Variants in MARCHF1 observed in about 807,000 individuals in gnomAD.
The protein encoded by MARCHF1 is membrane associated ring-CH-type finger 1.
MARCHF1 carries 40 observed loss-of-function variants against 54.2 expected under a neutral mutation model. That is an observed-to-expected ratio of 0.74 (90% CI 0.57 to 0.96). MARCHF1 has a LOEUF of 0.96. Among genes scored for constraint, MARCHF1 ranks in the 40% least tolerant of loss-of-function variants. MARCHF1 has a pLI of 0.00. For synonymous variants in MARCHF1, 236 were observed against 236.3 expected (o/e 1.00, Z 0.01); for missense variants, 586 against 656.5 (o/e 0.89, Z 1.17).
At chr4:164,085,779 G>T (rs1755181184) in intron 2 of MARCHF1, among the ~76,000 whole-genome samples, 1 of 151,808 alleles carries the variant, frequency 6.6e-6, no homozygotes, top group Admixed American at 6.6e-5. Context: ...CAACAATTGT[G>T]TAGCGGAATT....
chr4:164,220,001 T>G (rs1418187567), intron 1 of MARCHF1, among the ~76,000 whole-genome samples: 1 of 151,872 alleles, frequency 6.6e-6, no homozygotes, highest in Non-Finnish European at 1.5e-5. Flanking sequence ...TATTGCCTTG[T>G]AAGACAATAG....
At chr4:164,012,651 C>T (rs1753447874) in intron 2 of MARCHF1, among the ~76,000 whole-genome samples, 1 of 152,066 alleles carries the variant, frequency 6.6e-6, no homozygotes, top group Admixed American at 6.5e-5. Flanking sequence ...ATGAGAGTGT[C>T]CACATCACCC....
chr4:163,854,705 A>AAATATAC (rs1488523663), intron 3 of MARCHF1, among the ~76,000 whole-genome samples: 1 of 152,186 alleles, frequency 6.6e-6, no homozygotes, highest in Non-Finnish European at 1.5e-5. Context: ...AAGTATAATA[A>AAATATAC]ATTAAGTATA....
intron 1 of MARCHF1, among the ~76,000 whole-genome samples, chr4:164,289,706 A>G (rs1404711047): frequency 6.6e-6 from 1 of 151,882 alleles, no homozygotes; most frequent in African/African-American, 2.4e-5. Context: ...CTCACAGGCT[A>G]TGAGTATACA....
At chr4:164,313,278 G>T (rs1734913222) in intron 1 of MARCHF1, among the ~76,000 whole-genome samples, 1 of 149,340 alleles carries the variant, frequency 6.7e-6, no homozygotes, top group Non-Finnish European at 1.5e-5. Context: ...GAACCTGGGA[G>T]GCAGAGCATC....
intron 1 of MARCHF1, among the ~76,000 whole-genome samples, chr4:164,172,959 C>T (rs999689491): frequency 6.7e-5 from 9 of 135,310 alleles, no homozygotes; most frequent in Non-Finnish European, 1.4e-4. Context: ...CCAGCCTGGG[C>T]TACAGAGCGA....
At position 163,840,631 on chromosome 4, in the gene MARCHF1, G is replaced by A. The variant is rs957236609; in HGVS notation, c.111+13390C>T. On this transcript the variant is annotated intron_variant, in intron 4 of 9. Transcript: ENST00000514618. Reference sequence around the variant, plus strand: ...AAGCAGAGTAGAATGGTGGTTCCCAGGGGCTGGAAGGTGGCGGAAAAGGAG... The same window carrying A: ...AAGCAGAGTAGAATGGTGGTTCCCAAGGGCTGGAAGGTGGCGGAAAAGGAG... Among the ~76,000 whole-genome samples, 8 of 152,082 alleles carry A rather than the reference G, an allele frequency of 5.3e-5. 1 individual carries two copies. The South Asian group carries it at 1.7e-3, about 31-fold the overall frequency.
intron 3 of MARCHF1, among the ~76,000 whole-genome samples, chr4:163,902,151 T>C (rs1309253237): frequency 6.6e-6 from 1 of 152,140 alleles, no homozygotes; most frequent in Non-Finnish European, 1.5e-5. Context: ...TATTCTACAA[T>C]AAGACATTAG....
At chr4:164,229,392 G>T (rs1370933905) in intron 1 of MARCHF1, among the ~76,000 whole-genome samples, 1 of 152,162 alleles carries the variant, frequency 6.6e-6, no homozygotes, top group Non-Finnish European at 1.5e-5. Flanking sequence ...AAAGGCCTGA[G>T]AGACCAGGGC....
In MARCHF1 at chr4:163,733,199, A is replaced by ATATATATATACATACACATG. The variant is rs1745908359; in HGVS notation, c.112-32337_112-32336insCATGTGTATGTATATATATA. Among the ~76,000 whole-genome samples, 5 of 39,882 alleles carry ATATATATATACATACACATG rather than the reference A, an allele frequency of 1.3e-4. 1 individual carries two copies. Among genetic ancestry groups the ATATATATATACATACACATG allele is most frequent in the African/African-American group, 2.3e-4 (3 of 12,860 alleles). The allele number at this position is 39,882 out of a possible 152,430, so 26.2% of individuals were successfully genotyped here. A position where few individuals can be genotyped will look rare whatever the true frequency, so the allele number is the denominator to read the frequency against. ...TGTGTATATATATATATATATATAT[A>ATATATATATACATACACATG]TATATATATATATATATATATACAC... On this transcript the variant is annotated intron_variant, in intron 4 of 9. Coordinates refer to ENST00000514618, the MANE Select transcript of MARCHF1 (RefSeq NM_001394959.1).
chr4:163,585,587 C>G, intron 8 of MARCHF1, 162 bp downstream of exon 8: 1 of 465,308 alleles, frequency 2.1e-6, no homozygotes, highest in East Asian at 3.2e-5. Flanking sequence ...GGATTATCTG[C>G]AAACACTTAG....
intron 3 of MARCHF1, among the ~76,000 whole-genome samples, chr4:163,944,743 G>T (rs11100532): frequency 0.16 from 23,810 of 152,112 alleles, 2,336 homozygotes; most frequent in South Asian, 0.29. Flanking sequence ...TTAATTACAG[G>T]CAGGCATTTC....
At chr4:163,936,039 G>A (rs1398716124) in intron 3 of MARCHF1, among the ~76,000 whole-genome samples, 1 of 151,970 alleles carries the variant, frequency 6.6e-6, no homozygotes, top group Non-Finnish European at 1.5e-5. Context: ...GTAATTAGTT[G>A]GCCTAATTTT....
At chr4:163,550,612 G>C (rs1329540988) in intron 8 of MARCHF1, among the ~76,000 whole-genome samples, 1 of 150,648 alleles carries the variant, frequency 6.6e-6, no homozygotes, top group Admixed American at 6.6e-5. Context: ...CATTTTAATT[G>C]TTTACTGGCT....
chr4:164,241,485 C>A (rs1487827544), intron 1 of MARCHF1, among the ~76,000 whole-genome samples: 1 of 152,078 alleles, frequency 6.6e-6, no homozygotes, highest in Non-Finnish European at 1.5e-5. Context: ...CTTCCCTTCC[C>A]AGTATACAAT....
chr4:164,349,818 G>T (rs546991405), intron 1 of MARCHF1, among the ~76,000 whole-genome samples: 1 of 152,260 alleles, frequency 6.6e-6, no homozygotes, highest in East Asian at 1.9e-4. Flanking sequence ...TGTAATGATG[G>T]TATTTAAACT....
At position 163,693,297 on chromosome 4, in the gene MARCHF1, C is replaced by CTGGAGAGTA. The variant is rs1258650884; in HGVS notation, c.162+7515_162+7516insTACTCTCCA. Reference sequence around the variant, plus strand: ...AGTGCATTTCTTCCAGAGTTAAGACCAAATTTTGCATTTTACTTTACTATC... The same window carrying CTGGAGAGTA: ...AGTGCATTTCTTCCAGAGTTAAGACCTGGAGAGTAAAATTTTGCATTTTACTTTACTATC... On this transcript the variant is annotated intron_variant, in intron 5 of 9. Transcript: ENST00000514618. Among the ~76,000 whole-genome samples, 3 of 151,302 alleles carry CTGGAGAGTA rather than the reference C, an allele frequency of 2.0e-5. 1 individual carries two copies. Among genetic ancestry groups the CTGGAGAGTA allele is most frequent in the African/African-American group, 7.3e-5 (3 of 41,040 alleles).
chr4:163,845,372 A>G (rs1156303089), intron 4 of MARCHF1, among the ~76,000 whole-genome samples: 4 of 151,982 alleles, frequency 2.6e-5, no homozygotes, highest in Admixed American at 1.3e-4. Flanking sequence ...TTTACAAAAC[A>G]TAAAAACATT....
chr4:163,725,478 CAA>C (rs60252263), intron 4 of MARCHF1, among the ~76,000 whole-genome samples: 16 of 120,528 alleles, frequency 1.3e-4, no homozygotes, highest in African/African-American at 3.0e-4. Flanking sequence ...ACACTATCTC[CAA>C]AAAAAAAAAA....
Sources: allele counts gnomAD v4.1 joint callset (sites outside exome capture counted in the v4.1 genomes callset), GRCh38; gene constraint gnomAD v4.1.1; transcripts MANE v1.5; gene names NCBI Gene and HGNC (gene_info 2026-07-23, HGNC 2026-07-21).